The following NCKAP5 variants were observed in gnomAD, a reference collection of about 807,000 sequenced individuals.
The protein encoded by NCKAP5 is nck-associated protein 5.
NCKAP5 carries 92 observed loss-of-function variants against 167.0 expected under a neutral mutation model. That is an observed-to-expected ratio of 0.55 (90% CI 0.47 to 0.66). The LOEUF is 0.66. Among genes scored for constraint, NCKAP5 ranks in the 30% least tolerant of loss-of-function variants. The pLI is 0.00. For synonymous variants in NCKAP5, 891 were observed against 877.4 expected (o/e 1.02, Z -0.27); for missense variants, 2,378 against 2,315.0 (o/e 1.03, Z -0.56).
chr2:133,019,208 A>G (rs1307011980), intron 6 of NCKAP5, among the ~76,000 whole-genome samples: 1 of 152,234 alleles, frequency 6.6e-6, no homozygotes, highest in Non-Finnish European at 1.5e-5. Flanking sequence ...TACATAGCAC[A>G]GTGCCTGGGA....
chr2:133,266,588 C>A (rs1012317936), intron 4 of NCKAP5, among the ~76,000 whole-genome samples: 3 of 152,142 alleles, frequency 2.0e-5, no homozygotes, highest in Admixed American at 1.3e-4. Flanking sequence ...GACTCCGCAG[C>A]GCCTTCACTT....
chr2:132,906,522 C>T (rs1396485833), intron 8 of NCKAP5, among the ~76,000 whole-genome samples: 1 of 152,104 alleles, frequency 6.6e-6, no homozygotes, highest in African/African-American at 2.4e-5. Flanking sequence ...ATGAAGAAGG[C>T]ATGAAAATAC....
At chr2:132,832,389 T>C (rs56839160) in intron 11 of NCKAP5, among the ~76,000 whole-genome samples, 11,940 of 152,156 alleles carry the variant, frequency 0.078, 679 homozygotes, top group African/African-American at 0.16. Context: ...ATGTTTTGCA[T>C]GTATATATGG....
Position 133,460,214 on chromosome 2 carries a change from C to A in NCKAP5, c.69+57244G>T, listed in dbSNP as rs187187597. Among the ~76,000 whole-genome samples the A allele has an allele frequency of 2.5e-3, 374 of 152,276 alleles. 5 individuals are homozygous for A. Among genetic ancestry groups the A allele is most frequent in the Middle Eastern group, 6.8e-3 (2 of 294 alleles). On this transcript the variant is annotated intron_variant, in intron 3 of 19. Transcript: ENST00000409261. ...ATTCACCACCCTATATGGTTATATA[C>A]TTTAACATTCAGCAAAAAATTCTAA...
At chr2:133,424,599 G>A (rs1289298372) in intron 3 of NCKAP5, among the ~76,000 whole-genome samples, 1 of 152,040 alleles carries the variant, frequency 6.6e-6, no homozygotes, top group African/African-American at 2.4e-5. Context: ...TTTTGTGTGG[G>A]GTTCAGAAAC....
intron 5 of NCKAP5, among the ~76,000 whole-genome samples, chr2:133,178,829 C>CAAAAAAAAAAAAAAA (rs66552853): frequency 1.7e-5 from 1 of 58,828 alleles, no homozygotes; most frequent in Non-Finnish European, 3.0e-5. Flanking sequence ...GACTCCGTCT[C>CAAAAAAAAAAAAAAA]AAAAAAAAAA....
intron 11 of NCKAP5, among the ~76,000 whole-genome samples, chr2:132,822,166 A>C (rs1405279127): frequency 3.9e-5 from 6 of 152,116 alleles, no homozygotes; most frequent in Non-Finnish European, 5.9e-5. Flanking sequence ...ACAAAACTTG[A>C]TTCCACTGCC....
intron 1 of NCKAP5, among the ~76,000 whole-genome samples, chr2:133,562,598 T>C (rs527256475): frequency 1.2e-3 from 177 of 152,366 alleles, no homozygotes; most frequent in Non-Finnish European, 1.6e-3. Context: ...AATATTTATC[T>C]GCCATGTTAT....
At chr2:132,997,121 A>G (rs931618210) in intron 6 of NCKAP5, among the ~76,000 whole-genome samples, 1 of 152,246 alleles carries the variant, frequency 6.6e-6, no homozygotes, top group Non-Finnish European at 1.5e-5. Flanking sequence ...TAGGAAGCCC[A>G]TTGCAGTAGG....
chr2:133,052,284 G>A (rs2079632229), intron 6 of NCKAP5, among the ~76,000 whole-genome samples: 1 of 152,186 alleles, frequency 6.6e-6, no homozygotes, highest in African/African-American at 2.4e-5. Context: ...ACTCTGATCT[G>A]GAGCTAGTCC....
intron 6 of NCKAP5, among the ~76,000 whole-genome samples, chr2:133,074,681 T>C (rs2080537583): frequency 2.0e-5 from 3 of 151,996 alleles, no homozygotes; most frequent in African/African-American, 7.3e-5. Flanking sequence ...ATTTTAGAAT[T>C]AAAAAATACA....
At chr2:132,771,314 G>GAA (rs902109899) in intron 16 of NCKAP5, among the ~76,000 whole-genome samples, 1 of 151,656 alleles carries the variant, frequency 6.6e-6, no homozygotes, top group African/African-American at 2.4e-5. Flanking sequence ...TTTAAAATGG[G>GAA]AAAAAAAATT....
At chr2:133,591,231 C>T in the NCKAP5 span, among the ~76,000 whole-genome samples, 191 of 152,282 alleles carry the variant, frequency 1.3e-3, no homozygotes, top group Non-Finnish European at 2.1e-3. Flanking sequence ...TGATGATCAA[C>T]ATTAAACTAA....
At chr2:132,813,632 T>C (rs181870981) in intron 11 of NCKAP5, among the ~76,000 whole-genome samples, 154 of 152,294 alleles carry the variant, frequency 1.0e-3, no homozygotes, top group African/African-American at 3.7e-3. Context: ...AAGGGTTCCA[T>C]ATGTTATCCA....
chr2:132,827,673 G>A (rs149628302), intron 11 of NCKAP5, among the ~76,000 whole-genome samples: 254 of 152,234 alleles, frequency 1.7e-3, no homozygotes, highest in African/African-American at 5.9e-3. Flanking sequence ...GAGTGTGTGT[G>A]CTTTTCATCT....
chr2:132,957,286 T>C (rs772053575), intron 8 of NCKAP5, among the ~76,000 whole-genome samples: 3 of 152,206 alleles, frequency 2.0e-5, no homozygotes, highest in Non-Finnish European at 4.4e-5. Flanking sequence ...CTAGAAGTTA[T>C]CCTTCTCACT....
chr2:133,460,727 G>A (rs1692149967), intron 3 of NCKAP5, among the ~76,000 whole-genome samples: 1 of 152,048 alleles, frequency 6.6e-6, no homozygotes, highest in African/African-American at 2.4e-5. Flanking sequence ...AAATCAATTA[G>A]AGAGAGCTAA....
At chr2:132,816,870 G>A (rs534363203) in intron 11 of NCKAP5, among the ~76,000 whole-genome samples, 3 of 152,274 alleles carry the variant, frequency 2.0e-5, no homozygotes, top group Non-Finnish European at 2.9e-5. Context: ...TCCAGGAACT[G>A]ACAGTTTCCT....
At chr2:132,919,439 G>A (rs1014095043) in intron 8 of NCKAP5, among the ~76,000 whole-genome samples, 5 of 152,190 alleles carry the variant, frequency 3.3e-5, no homozygotes. Context: ...GCTGGAGTCT[G>A]GGCACCTGGA....
Sources: allele counts gnomAD v4.1 joint callset (sites outside exome capture counted in the v4.1 genomes callset), GRCh38; gene constraint gnomAD v4.1.1; transcripts MANE v1.5; gene names NCBI Gene and HGNC (gene_info 2026-07-23, HGNC 2026-07-21).